HIVEP3: variants seen among roughly 807,000 people sequenced by gnomAD.
HIVEP3 encodes the protein HIVEP zinc finger 3.
HIVEP3 carries 49 observed loss-of-function variants against 152.8 expected under a neutral mutation model. The observed-to-expected ratio is 0.32, with a 90% CI of 0.26 to 0.41. The LOEUF is 0.41. Among genes scored for constraint, HIVEP3 ranks in the 10% least tolerant of loss-of-function variants. HIVEP3 has a pLI of 1.00. For missense variants in HIVEP3, 2,790 were observed against 3,103.3 expected (o/e 0.90, Z 2.40); for synonymous variants, 1,269 against 1,289.0 (o/e 0.98, Z 0.33).
rs1646066076 is a variant in HIVEP3, at chr1:41,683,172, T to C, written c.-721+17744A>G. 2.0e-5 allele frequency among the ~76,000 whole-genome samples: 3 copies of C among 152,204 alleles called. No individual in the cohort carries two copies. In the South Asian group the frequency reaches 6.2e-4, roughly 31 times the overall value. ...CCAAAACAGAAGGGAACCTGCACTT[T>C]AAGGCTGAAGCAGTGGGCAAGGCCA... is the stretch of plus-strand genomic sequence containing the variant. On this transcript the variant is annotated intron_variant, in intron 2 of 8. Coordinates refer to ENST00000372583, the MANE Select transcript of HIVEP3 (RefSeq NM_024503.5).
chr1:41,706,253 C>T (rs1387495592), intron 1 of HIVEP3, among the ~76,000 whole-genome samples: 1 of 152,172 alleles, frequency 6.6e-6, no homozygotes, highest in African/African-American at 2.4e-5. Flanking sequence ...TTATTGTTCT[C>T]ATCGTTGTGT....
chr1:41,793,292 C>G (rs1433790579), intron 1 of HIVEP3, among the ~76,000 whole-genome samples: 1 of 152,250 alleles, frequency 6.6e-6, no homozygotes, highest in East Asian at 1.9e-4. Flanking sequence ...GGGATGCTCT[C>G]TATCTGCAGA....
intron 1 of HIVEP3, among the ~76,000 whole-genome samples, chr1:41,731,635 CT>C (rs1299977817): frequency 6.6e-6 from 1 of 152,214 alleles, no homozygotes; most frequent in Non-Finnish European, 1.5e-5. Flanking sequence ...GTCAAACAGC[CT>C]ATGGAGATGC....
At chr1:41,750,947 C>G (rs1369055108) in intron 1 of HIVEP3, among the ~76,000 whole-genome samples, 1 of 152,180 alleles carries the variant, frequency 6.6e-6, no homozygotes, top group African/African-American at 2.4e-5. Context: ...CTTCTGACTT[C>G]AAGTGATCCA....
Position 41,580,749 on chromosome 1 carries a change from G to A in HIVEP3, c.4049C>T (p.Ser1350Leu). 6.3e-7 allele frequency: 1 copy of A among 1,587,894 alleles called. No individual in the cohort carries two copies. Among genetic ancestry groups the A allele is most frequent in the South Asian group, 1.2e-5 (1 of 85,156 alleles). The change falls in exon 4 of 9, where the codon TCA becomes TTA. Residue 1350 changes from serine (S) to leucine (L), a missense_variant. Ser to Leu is a moderately radical substitution (Grantham distance 145). Coordinates refer to ENST00000372583, the MANE Select transcript of HIVEP3 (RefSeq NM_024503.5). ...AAACTTGGGAAGTGCCACAGTTGCT[G>A]AGCTGCCTTGGGACTGGGTGACCAA... is the stretch of plus-strand genomic sequence containing the variant. ...QILVTQSQGS[S>L]ATVALPKFEE...
intron 1 of HIVEP3, among the ~76,000 whole-genome samples, chr1:41,810,215 C>A (rs573028274): frequency 4.5e-4 from 68 of 152,344 alleles, no homozygotes; most frequent in African/African-American, 1.2e-3. Context: ...AATGGCAGAA[C>A]TGCTATGAAG....
chr1:41,618,675 C>T (rs1037504541), intron 3 of HIVEP3, among the ~76,000 whole-genome samples: 1 of 151,714 alleles, frequency 6.6e-6, no homozygotes, highest in Non-Finnish European at 1.5e-5. Context: ...ACCCCAGGCC[C>T]CAGTGACCTG....
Position 41,519,524 on chromosome 1 carries a change from G to A in HIVEP3, c.5384-1036C>T, listed in dbSNP as rs553632940. On this transcript the variant is annotated intron_variant, in intron 6 of 8. Coordinates refer to ENST00000372583, the MANE Select transcript of HIVEP3 (RefSeq NM_024503.5). ...AGCAGCTACTCCCAAACCGTGATGT[G>A]CTCACTGTTGCCCTGGGGATGGCTA... Among the ~76,000 whole-genome samples the A allele has an allele frequency of 7.2e-5, 11 of 152,318 alleles. No individual in the cohort carries two copies. In the East Asian group the frequency reaches 1.5e-3, roughly 21 times the overall value.
intron 5 of HIVEP3, among the ~76,000 whole-genome samples, chr1:41,548,558 C>T (rs1436437472): frequency 2.6e-5 from 4 of 151,452 alleles, no homozygotes; most frequent in African/African-American, 9.7e-5. Context: ...TTTTTGAGAC[C>T]GAGTTTTGCT....
intron 8 of HIVEP3, 25 bp downstream of exon 8, chr1:41,512,791 C>A: frequency 1.4e-6 from 2 of 1,459,386 alleles, no homozygotes; most frequent in South Asian, 2.9e-5. Context: ...GAGAAGCGGC[C>A]CAGCCACCAG....
chr1:41,765,443 C>A (rs1647951037), intron 1 of HIVEP3, among the ~76,000 whole-genome samples: 1 of 152,158 alleles, frequency 6.6e-6, no homozygotes, highest in African/African-American at 2.4e-5. Context: ...GCTCTCAAGT[C>A]AGCCAGATGT....
chr1:41,529,279 C>T (rs1643152820), intron 5 of HIVEP3, among the ~76,000 whole-genome samples: 1 of 143,836 alleles, frequency 7.0e-6, no homozygotes, highest in South Asian at 2.3e-4. Context: ...CATGCTCACA[C>T]CCCCCACTGA....
At chr1:41,700,451 T>A (rs544743912) in intron 2 of HIVEP3, among the ~76,000 whole-genome samples, 1 of 152,132 alleles carries the variant, frequency 6.6e-6, no homozygotes, top group African/African-American at 2.4e-5. Flanking sequence ...GGCTGTAAAG[T>A]CCATGGAGCA....
intron 2 of HIVEP3, among the ~76,000 whole-genome samples, chr1:41,653,972 A>C (rs940444012): frequency 5.3e-5 from 8 of 151,560 alleles, no homozygotes; most frequent in Admixed American, 3.3e-4. Context: ...AAAAAAAAAA[A>C]AAAAAAAAAA....
intron 3 of HIVEP3, among the ~76,000 whole-genome samples, chr1:41,602,432 T>C (rs1304603803): frequency 6.6e-6 from 1 of 151,974 alleles, no homozygotes; most frequent in Non-Finnish European, 1.5e-5. Context: ...ATATTAGTTA[T>C]AGGTCTGTTT....
intron 4 of HIVEP3, among the ~76,000 whole-genome samples, chr1:41,576,801 T>C (rs1342941394): frequency 6.6e-6 from 1 of 152,196 alleles, no homozygotes; most frequent in Non-Finnish European, 1.5e-5. Flanking sequence ...TTCACCTCTC[T>C]GGGCCTCAGA....
chr1:41,518,418 C>G lies in HIVEP3; in HGVS notation c.5454G>C (p.Glu1818Asp). The G allele has an allele frequency of 6.2e-7, 1 of 1,614,150 alleles. No homozygotes were observed. The highest frequency in any genetic ancestry group is 8.5e-7 in the Non-Finnish European group (1 of 1,179,980). Residue 1818 changes from glutamate to aspartate, a missense_variant, in exon 7 of 9, where the codon GAG (glutamate) becomes GAC (aspartate). This residue lies in a region of HIVEP3 where 816 missense variants were observed against 806.5 expected (regional missense o/e 1.01). Transcript: ENST00000372583. ...AATTGTTACCTTCTTCGGCTTCCAG[C>G]TCCTCCAGCACCCCTGTCTCTTGGC... is the stretch of plus-strand genomic sequence containing the variant. Reference protein sequence around the residue: ...KKCQETGVLEELEAEEGTSDD... With the variant: ...KKCQETGVLEDLEAEEGTSDD...
chr1:41,638,016 A>T (rs1027260028), intron 2 of HIVEP3, among the ~76,000 whole-genome samples: 1 of 152,190 alleles, frequency 6.6e-6, no homozygotes, highest in Non-Finnish European at 1.5e-5. Context: ...GTACACATGG[A>T]CACGAAGTGT....
intron 3 of HIVEP3, among the ~76,000 whole-genome samples, chr1:41,626,591 G>C (rs1344322885): frequency 6.6e-6 from 1 of 152,192 alleles, no homozygotes. Flanking sequence ...GCATCTCTCA[G>C]AGGGCTCTGC....
Sources: gnomAD v4.1 joint callset for allele counts (sites outside exome capture counted in the v4.1 genomes callset) on GRCh38, gnomAD v4.1.1 for gene constraint, gnomAD v4.1.1 regional missense constraint, MANE v1.5 for transcripts, NCBI Gene and HGNC (gene_info 2026-07-23, HGNC 2026-07-21) for gene names.